The following TMEM233 variants were observed in gnomAD, a reference collection of about 807,000 sequenced individuals.
TMEM233 encodes the protein dispanin subfamily B member 2.
Under a neutral mutation model 11.2 loss-of-function variants are expected in TMEM233, and 6 were observed. That is an observed-to-expected ratio of 0.54 (90% CI 0.29 to 1.06). The LOEUF is 1.06. Ranked by LOEUF, TMEM233 falls within the 50% of genes least tolerant of loss-of-function variation. The probability of loss-of-function intolerance (pLI) is 0.08; values close to 1 mark genes in which losing one functional copy is unlikely to be tolerated. For missense variants in TMEM233, 127 were observed against 144.7 expected (o/e 0.88, Z 0.63); for synonymous variants, 59 against 55.8 (o/e 1.06, Z -0.26).
intron 1 of TMEM233, among the ~76,000 whole-genome samples, chr12:119,597,461 C>T (rs1034388212): frequency 1.3e-4 from 18 of 134,174 alleles, no homozygotes; most frequent in African/African-American, 4.5e-4. Flanking sequence ...AATTAGTTTC[C>T]AGAATGGTAA....
chr12:119,623,550 A>G (rs1954688183), intron 1 of TMEM233, among the ~76,000 whole-genome samples: 1 of 56,924 alleles, frequency 1.8e-5, no homozygotes, highest in Non-Finnish European at 3.8e-5. Flanking sequence ...TCTACCAAAA[A>G]TACAAAAAAA....
rs1953984582 is a variant in TMEM233 at position 119,594,303 on chromosome 12, G to C, written c.186+269G>C. ...CTTTCCTCTTCTTTCCAGCTCCCAG[G>C]GTGCGTTTCCTCTCCAACCCGGGGA... On this transcript the variant is annotated intron_variant, in intron 1 of 2. Coordinates refer to ENST00000426426, the MANE Select transcript of TMEM233 (RefSeq NM_001136534.3). The surrounding 1 kb of genome is among the most constrained non-coding windows in gnomAD (Gnocchi z 5.6). 2 of 440,642 alleles carry C rather than the reference G, an allele frequency of 4.5e-6. No homozygotes were observed. The highest frequency in any genetic ancestry group is 8.0e-5 in the East Asian group (2 of 24,914). 27.3% of individuals were successfully genotyped at this position (440,642 alleles called of 1,614,324 possible).
intron 2 of TMEM233, among the ~76,000 whole-genome samples, chr12:119,638,987 TCTCTC>T (rs1161065143): frequency 6.6e-6 from 1 of 151,882 alleles, no homozygotes; most frequent in Non-Finnish European, 1.5e-5. Context: ...TCATCTCCCC[TCTCTC>T]TCCCTTTCAC....
At position 119,615,814 on chromosome 12, in the gene TMEM233, C is replaced by T. The variant is rs187782992; in HGVS notation, c.187-13922C>T. Among the ~76,000 whole-genome samples the T allele has an allele frequency of 1.4e-3, 209 of 152,262 alleles. 1 individual carries two copies. The highest frequency in any genetic ancestry group is 0.012 in the Admixed American group (183 of 15,298). On this transcript the variant is annotated intron_variant, in intron 1 of 2. Transcript: ENST00000426426. ...TGTTATGAACTCTCAGAACATTAGA[C>T]CTACCGGTATTCAGTGCCAGTTATC...
chr12:119,596,487 C>CTTTTTTTT (rs34129084), intron 1 of TMEM233, among the ~76,000 whole-genome samples: 10 of 90,378 alleles, frequency 1.1e-4, no homozygotes, highest in African/African-American at 1.3e-4. Flanking sequence ...AAGTTTGTAT[C>CTTTTTTTT]TTTTTTTTTT....
chr12:119,611,023 A>G (rs1409751840), intron 1 of TMEM233, among the ~76,000 whole-genome samples: 4 of 152,130 alleles, frequency 2.6e-5, no homozygotes, highest in African/African-American at 9.7e-5. Flanking sequence ...CTTCTTTTTA[A>G]GGCTGAATAA....
intron 1 of TMEM233, among the ~76,000 whole-genome samples, chr12:119,622,050 T>G (rs1251323780): frequency 1.3e-5 from 2 of 152,184 alleles, no homozygotes; most frequent in Non-Finnish European, 2.9e-5. Flanking sequence ...TTGCCAAAAT[T>G]TATGGGAAGT....
At chr12:119,605,754 G>A (rs1241777041) in intron 1 of TMEM233, among the ~76,000 whole-genome samples, 2 of 151,718 alleles carry the variant, frequency 1.3e-5, no homozygotes, top group African/African-American at 2.4e-5. Flanking sequence ...ATAGGAAACA[G>A]CTTTGATTGT....
rs1169024581 is a variant in TMEM233 at position 119,642,769 on chromosome 12, T to G, written c.*2064T>G. 4.0e-5 allele frequency: 6 copies of G among 149,150 alleles called. No individual in the cohort carries two copies. Among genetic ancestry groups the G allele is most frequent in the African/African-American group, 1.5e-4 (6 of 40,014 alleles). 9.2% of individuals were successfully genotyped at this position (149,150 alleles called of 1,614,324 possible). On this transcript the variant is annotated 3_prime_UTR_variant, in exon 3 of 3. Transcript: ENST00000426426. Reference sequence around the variant, plus strand: ...TCTAAGTACTATACCAATACAAATTTCAGCATTTTTTCATATACTGAACCC... The same window carrying G: ...TCTAAGTACTATACCAATACAAATTGCAGCATTTTTTCATATACTGAACCC...
intron 1 of TMEM233, among the ~76,000 whole-genome samples, chr12:119,604,959 G>A (rs1055765519): frequency 2.0e-5 from 3 of 150,278 alleles, no homozygotes; most frequent in Non-Finnish European, 3.0e-5. Context: ...ATGAGTCTCC[G>A]TAGCCAAACT....
At chr12:119,626,079 T>C (rs1394222229) in intron 1 of TMEM233, among the ~76,000 whole-genome samples, 1 of 152,146 alleles carries the variant, frequency 6.6e-6, no homozygotes, top group Non-Finnish European at 1.5e-5. Context: ...GACATTGACT[T>C]TTTAAAAATA....
chr12:119,638,249 C>T (rs1157652744), intron 2 of TMEM233, among the ~76,000 whole-genome samples: 1 of 152,106 alleles, frequency 6.6e-6, no homozygotes. Context: ...CACTAGAGCT[C>T]AGGAGCTGGA....
At chr12:119,608,112 T>TTTG (rs1342752650) in intron 1 of TMEM233, among the ~76,000 whole-genome samples, 1 of 152,192 alleles carries the variant, frequency 6.6e-6, no homozygotes. Context: ...TGCTGTTGTT[T>TTTG]TTGTTTTGTT....
intron 1 of TMEM233, among the ~76,000 whole-genome samples, chr12:119,616,207 T>C (rs1954528320): frequency 6.6e-6 from 1 of 152,208 alleles, no homozygotes; most frequent in Non-Finnish European, 1.5e-5. Flanking sequence ...AACATGAGCC[T>C]AGGCCCAGAG....
intron 1 of TMEM233, among the ~76,000 whole-genome samples, chr12:119,616,938 A>G (rs749678295): frequency 1.3e-5 from 2 of 152,190 alleles, no homozygotes; most frequent in Admixed American, 6.5e-5. Flanking sequence ...AAGTTTCCTG[A>G]GGCCTCCCCA....
chr12:119,612,826 G>A (rs189375747), intron 1 of TMEM233, among the ~76,000 whole-genome samples: 1 of 152,048 alleles, frequency 6.6e-6, no homozygotes, highest in Non-Finnish European at 1.5e-5. Context: ...AGACTGAGGT[G>A]GGAGGATCAC....
In TMEM233 at chr12:119,640,827, C is replaced by T. The variant is rs1234938639; in HGVS notation, c.*122C>T. On this transcript the variant is annotated 3_prime_UTR_variant, in exon 3 of 3. Transcript: ENST00000426426. ...GTGAGATCTTTTCCTCCAGGACTCT[C>T]CAGAGGCAGGTCCCTGGCAAATGAA... 9.9e-7 allele frequency: 1 copy of T among 1,008,712 alleles called. No homozygotes were observed. The highest frequency in any genetic ancestry group is 1.4e-6 in the Non-Finnish European group (1 of 725,830). The allele number at this position is 1,008,712 out of a possible 1,614,324, so 62.5% of individuals were successfully genotyped here.
In TMEM233 at chr12:119,594,559, C is replaced by T. The variant is rs1953992827; in HGVS notation, c.186+525C>T. ...GTGCTCCCTTCTCTCTTTGCTGCGC[C>T]CAAGGGCACCGCTTCCGCCACTCTC... On this transcript the variant is annotated intron_variant, in intron 1 of 2. Coordinates refer to ENST00000426426, the MANE Select transcript of TMEM233 (RefSeq NM_001136534.3). This position sits in a 1 kb window ranked among gnomAD's most constrained non-coding sequence, Gnocchi z 5.6. 6.5e-6 allele frequency: 1 copy of T among 153,356 alleles called. No homozygotes were observed. 9.5% of individuals were successfully genotyped at this position (153,356 alleles called of 1,614,324 possible). A position where few individuals can be genotyped will look rare whatever the true frequency, so the allele number is the denominator to read the frequency against.
chr12:119,649,007 T>C, the TMEM233 span, among the ~76,000 whole-genome samples: 1 of 152,090 alleles, frequency 6.6e-6, no homozygotes, highest in Non-Finnish European at 1.5e-5. Flanking sequence ...TTCAAGAAGA[T>C]AGAGACCCGG....
Sources: allele counts gnomAD v4.1 joint callset (sites outside exome capture counted in the v4.1 genomes callset), GRCh38; gene constraint gnomAD v4.1.1; non-coding constraint Gnocchi (gnomAD v3.1); transcripts MANE v1.5; gene names NCBI Gene and HGNC (gene_info 2026-07-23, HGNC 2026-07-21).